Variants in PSG3 observed in about 807,000 individuals in gnomAD.
PSG3 encodes the protein pregnancy-specific beta-1-glycoprotein 3.
Under a neutral mutation model 47.5 loss-of-function variants are expected in PSG3, and 61 were observed. That is an observed-to-expected ratio of 1.28 (90% CI 1.05 to 1.59). The LOEUF (loss-of-function observed/expected upper bound fraction) is 1.59. PSG3 is among the 40% of genes most tolerant of loss of function. The probability of loss-of-function intolerance (pLI) is 0.00; values close to 1 mark genes in which losing one functional copy is unlikely to be tolerated. For missense variants in PSG3, 756 were observed against 524.0 expected (o/e 1.44, Z -4.32); for synonymous variants, 263 against 198.4 (o/e 1.33, Z -2.74).
intron 2 of PSG3, chr19:42,734,216 G>A (rs1317245483): frequency 6.6e-6 from 1 of 152,148 alleles, no homozygotes; most frequent in African/African-American, 2.4e-5. Context: ...TACAGATAAA[G>A]TGCTCCTTAT....
rs777513870 is a variant in PSG3, at chr19:42,739,058, G to C, written c.96C>G (p.Thr32=). Residue 32 remains threonine, a synonymous_variant, in exon 2 of 7, where the codon ACC becomes ACG. Transcript: ENST00000327495. Reference sequence around the variant, plus strand: ...CGGCTTCAATCGTGACTTGGGCAGTGGTAGGCAAGTTCCAGAAGTTTAAAA... The same window carrying C: ...CGGCTTCAATCGTGACTTGGGCAGTCGTAGGCAAGTTCCAGAAGTTTAAAA... ...ALLLNFWNLP[T]TAQVTIEAEP... is the part of the protein sequence containing the mutation. 3 of 1,610,028 alleles carry C rather than the reference G, an allele frequency of 1.9e-6. No homozygotes were observed. Among genetic ancestry groups the C allele is most frequent in the South Asian group, 2.2e-5 (2 of 90,956 alleles).
At chr19:42,730,795 T>C (rs1265243250) in intron 3 of PSG3, among the ~76,000 whole-genome samples, 1 of 152,202 alleles carries the variant, frequency 6.6e-6, no homozygotes, top group Non-Finnish European at 1.5e-5. Context: ...TGTCTTGGGT[T>C]CTTTAAGTTT....
chr19:42,739,995 C>T (rs1463153880), intron 1 of PSG3, among the ~76,000 whole-genome samples: 1 of 151,724 alleles, frequency 6.6e-6, no homozygotes, highest in Non-Finnish European at 1.5e-5. Context: ...TACTGTCGCC[C>T]AGGCTGGCGT....
rs148792244 is a variant in PSG3 at position 42,738,898 on chromosome 19, C to T, written c.256G>A (p.Gly86Ser). Reference sequence around the variant, plus strand: ...GCAGGCCCATATATAATTATTTGACCATCTACTACGTATGATGTAATGTAA... The same window carrying T: ...GCAGGCCCATATATAATTATTTGACTATCTACTACGTATGATGTAATGTAA... ...YHYITSYVVD[G>S]QIIIYGPAYS... The change falls in exon 2 of 7, where the codon GGT (glycine) becomes AGT (serine). Residue 86 changes from glycine to serine, a missense_variant. By Grantham distance (56) the Gly-to-Ser change is moderately conservative. Coordinates refer to ENST00000327495, the MANE Select transcript of PSG3 (RefSeq NM_021016.4). 2.5e-5 allele frequency: 40 copies of T among 1,613,878 alleles called. No homozygotes were observed. Among genetic ancestry groups the T allele is most frequent in the Non-Finnish European group, 3.4e-5 (40 of 1,179,972 alleles).
intron 1 of PSG3, among the ~76,000 whole-genome samples, chr19:42,739,824 TAA>T: frequency 6.6e-6 from 1 of 152,334 alleles, no homozygotes; most frequent in African/African-American, 2.4e-5. Flanking sequence ...ACAGAACACT[TAA>T]GATTTTCCTA....
intron 2 of PSG3, among the ~76,000 whole-genome samples, chr19:42,735,859 G>C (rs1405302124): frequency 2.0e-5 from 3 of 152,122 alleles, no homozygotes; most frequent in Admixed American, 6.5e-5. Context: ...TGAGCCCATG[G>C]GGTTTGGGGA....
intron 5 of PSG3, 136 bp downstream of exon 5, chr19:42,728,987 T>A (rs1367132774): frequency 6.4e-7 from 1 of 1,573,310 alleles, no homozygotes; most frequent in Non-Finnish European, 8.6e-7. Context: ...ATTGGGAGGG[T>A]TCAGGAGGAG....
intron 2 of PSG3, 58 bp downstream of exon 2, chr19:42,738,666 T>G: frequency 3.1e-6 from 5 of 1,612,372 alleles, no homozygotes; most frequent in Non-Finnish European, 4.2e-6. Flanking sequence ...GACAATCCTT[T>G]GTGTGTGAAG....
chr19:42,728,669 T>G (rs1969413882), intron 5 of PSG3, among the ~76,000 whole-genome samples: 1 of 152,148 alleles, frequency 6.6e-6, no homozygotes, highest in Non-Finnish European at 1.5e-5. Flanking sequence ...TCTGAGCTGC[T>G]CCTCCCTCAC....
Position 42,738,839 on chromosome 19 carries a change from T to C in PSG3, c.315A>G (p.Ala105=). 2 of 1,614,134 alleles carry C rather than the reference T, an allele frequency of 1.2e-6. No homozygotes were observed. Among genetic ancestry groups the C allele is most frequent in the Non-Finnish European group, 1.7e-6 (2 of 1,180,004 alleles). ...YSGRETVYSN[A]SLLIQNVTRE... is the part of the protein sequence containing the mutation. ...GGGTGACATTCTGGATCAGCAGGGATGCATTGGAATATACTGTTTCTCGTC... is the reference window on the plus strand; with the variant it reads ...GGGTGACATTCTGGATCAGCAGGGACGCATTGGAATATACTGTTTCTCGTC... Residue 105 remains alanine, a synonymous_variant, in exon 2 of 7, where the codon GCA becomes GCG. Coordinates refer to ENST00000327495, the MANE Select transcript of PSG3 (RefSeq NM_021016.4).
rs1280348257 is a variant in PSG3 at position 42,729,315 on chromosome 19, A to C, written c.1051T>G (p.Tyr351Asp). 6 of 1,614,050 alleles carry C rather than the reference A, an allele frequency of 3.7e-6. No individual in the cohort carries two copies. Among genetic ancestry groups the C allele is most frequent in the Middle Eastern group, 1.6e-4 (1 of 6,084 alleles). The part of the protein sequence containing the change: ...FTYYHSGENL[Y>D]LSCFADSNPP... The stretch of plus-strand genomic sequence containing the variant: ...TTAGAGTCCGCGAAGCAGGACAAGT[A>C]GAGGTTTTCTCCTGAATGGTAATAG... The change falls in exon 5 of 7, where the codon TAC becomes GAC. Residue 351 changes from tyrosine (Y) to aspartate (D), a missense_variant. Coordinates refer to ENST00000327495, the MANE Select transcript of PSG3 (RefSeq NM_021016.4).
intron 6 of PSG3, among the ~76,000 whole-genome samples, chr19:42,722,349 C>T (rs1476592066): frequency 6.6e-6 from 1 of 152,154 alleles, no homozygotes; most frequent in Non-Finnish European, 1.5e-5. Context: ...CTCCCGGGTT[C>T]CTGCCATTCT....
chr19:42,729,640 G>C, intron 4 of PSG3, 138 bp downstream of exon 4: 1 of 1,530,482 alleles, frequency 6.5e-7, no homozygotes, highest in South Asian at 1.3e-5. Flanking sequence ...TCTTCCCAGG[G>C]CAGGAAGTTA....
chr19:42,737,782 T>C (rs957828144), intron 2 of PSG3, among the ~76,000 whole-genome samples: 6 of 152,218 alleles, frequency 3.9e-5, no homozygotes, highest in African/African-American at 9.7e-5. Flanking sequence ...TGTGTGACTC[T>C]GGTTCAGTGA....
rs775121943 is a variant in PSG3, at chr19:42,732,894, C to T, written c.599G>A (p.Arg200Lys). ...THSLQLSKNK[R>K]TLFLFGVTKY... ...TGTGACACCAAATAGAAAGAGGGTC[C>T]TTTTGTTTTTGGACAACTGCAAGCT... The change falls in exon 3 of 7, where the codon AGG becomes AAG. Residue 200 changes from arginine to lysine, a missense_variant. Physicochemically the swap from Arg to Lys is conservative, Grantham distance 26. Coordinates refer to ENST00000327495, the MANE Select transcript of PSG3 (RefSeq NM_021016.4). 10 of 1,614,116 alleles carry T rather than the reference C, an allele frequency of 6.2e-6. No individual in the cohort carries two copies. Among genetic ancestry groups the T allele is most frequent in the Non-Finnish European group, 7.6e-6 (9 of 1,180,004 alleles).
chr19:42,740,200 C>A, intron 1 of PSG3, 121 bp downstream of exon 1: 4 of 1,588,394 alleles, frequency 2.5e-6, no homozygotes, highest in Non-Finnish European at 3.4e-6. Flanking sequence ...GATCCACCCT[C>A]CTCAGCCTCC....
intron 3 of PSG3, 179 bp downstream of exon 3, chr19:42,732,605 C>G: frequency 8.4e-6 from 12 of 1,426,220 alleles, no homozygotes; most frequent in Non-Finnish European, 1.2e-5. Flanking sequence ...CTCTTTTCTC[C>G]TATTGTTGAT....
At chr19:42,727,525 T>C (rs114148272) in intron 5 of PSG3, among the ~76,000 whole-genome samples, 2,420 of 152,314 alleles carry the variant, frequency 0.016, 30 homozygotes, top group African/African-American at 0.027. Context: ...GCATCAGGAA[T>C]ACTTGGAGAT....
intron 2 of PSG3, among the ~76,000 whole-genome samples, chr19:42,737,065 G>A (rs987981176): frequency 6.6e-6 from 1 of 152,086 alleles, no homozygotes; most frequent in Non-Finnish European, 1.5e-5. Flanking sequence ...AGACACCATG[G>A]CAGTGAGCAG....
Sources: allele counts gnomAD v4.1 joint callset (sites outside exome capture counted in the v4.1 genomes callset), GRCh38; gene constraint gnomAD v4.1.1; transcripts MANE v1.5; gene names NCBI Gene and HGNC (gene_info 2026-07-23, HGNC 2026-07-21).